SHISAL2A: variants seen among roughly 807,000 people sequenced by gnomAD.
SHISAL2A encodes protein shisa-like-2A.
Under a neutral mutation model 11.5 loss-of-function variants are expected in SHISAL2A, and 18 were observed. The ratio of observed to expected loss-of-function variants is 1.57; its 90% confidence interval spans 1.08 to 2.33. SHISAL2A has a LOEUF of 2.33. Ranked by LOEUF, SHISAL2A falls within the 30% of genes most tolerant of loss-of-function variation. The pLI, the probability that SHISAL2A is intolerant of heterozygous loss-of-function variation, is 0.00. For missense variants in SHISAL2A, 261 were observed against 250.9 expected (o/e 1.04, Z -0.27); for synonymous variants, 94 against 99.6 (o/e 0.94, Z 0.34).
At chr1:52,665,513 T>C (rs1022660122) in intron 4 of SHISAL2A, among the ~76,000 whole-genome samples, 1 of 152,152 alleles carries the variant, frequency 6.6e-6, no homozygotes, top group Admixed American at 6.5e-5. Context: ...CATGAGCTCA[T>C]CACCCTTCCT....
At chr1:52,660,562 C>A (rs1004897795), downstream of SHISAL2A, among the ~76,000 whole-genome samples, 1 of 152,160 alleles carries the variant, frequency 6.6e-6, no homozygotes, top group African/African-American at 2.4e-5. Flanking sequence ...ATTGCTTTCC[C>A]GGTTATGTTC....
intron 2 of SHISAL2A, among the ~76,000 whole-genome samples, chr1:52,651,251 T>C (rs998345188): frequency 2.6e-5 from 4 of 152,198 alleles, no homozygotes; most frequent in Non-Finnish European, 4.4e-5. Flanking sequence ...TTTTTTGTTT[T>C]TTTTGAGACG....
rs182932286 is a variant in SHISAL2A, at chr1:52,643,717, G to C, written c.322+715G>C. On this transcript the variant is annotated intron_variant, in intron 2 of 2. Transcript: ENST00000517870. ...AAAATACAAAAATTAGCCAGGCATGGTGGCAGGCGCCTATAATCCCAGCTA... is the reference window on the plus strand; with the variant it reads ...AAAATACAAAAATTAGCCAGGCATGCTGGCAGGCGCCTATAATCCCAGCTA... 2.2e-3 allele frequency among the ~76,000 whole-genome samples: 335 copies of C among 152,276 alleles called. 1 individual carries two copies. Among genetic ancestry groups the C allele is most frequent in the African/African-American group, 6.4e-3 (265 of 41,552 alleles).
intron 4 of SHISAL2A, among the ~76,000 whole-genome samples, chr1:52,665,328 G>T (rs1328592025): frequency 6.6e-6 from 1 of 152,162 alleles, no homozygotes; most frequent in Non-Finnish European, 1.5e-5. Context: ...AGAATCCTGT[G>T]AATCTGACAT....
downstream of SHISAL2A, among the ~76,000 whole-genome samples, chr1:52,660,186 A>G (rs189604336): frequency 6.3e-4 from 96 of 152,302 alleles, no homozygotes; most frequent in African/African-American, 2.3e-3. Context: ...TCCGAGCCAG[A>G]GAGATGTGGG....
At chr1:52,643,100 G>T in intron 2 of SHISAL2A, 98 bp downstream of exon 2, 1 of 1,251,434 alleles carries the variant, frequency 8.0e-7, no homozygotes, top group Non-Finnish European at 1.1e-6. Context: ...TTTGCCTCAT[G>T]ACTATTCCTG....
At chr1:52,641,791 A>T (rs553519940) in intron 1 of SHISAL2A, among the ~76,000 whole-genome samples, 23 of 150,746 alleles carry the variant, frequency 1.5e-4, no homozygotes, top group Admixed American at 1.1e-3. Flanking sequence ...TCTTTTTTTT[A>T]AAAAAAGAGG....
chr1:52,638,463 G>C (rs910226277), intron 1 of SHISAL2A, among the ~76,000 whole-genome samples: 1 of 152,134 alleles, frequency 6.6e-6, no homozygotes, highest in East Asian at 1.9e-4. Context: ...CATACTCAAT[G>C]TAAAAAATGT....
chr1:52,643,223 C>T (rs1393647294), intron 2 of SHISAL2A, among the ~76,000 whole-genome samples: 1 of 152,152 alleles, frequency 6.6e-6, no homozygotes, highest in Non-Finnish European at 1.5e-5. Context: ...AGACAACACT[C>T]CATTTGTCAC....
chr1:52,666,320 C>T (rs1350076189), intron 4 of SHISAL2A, among the ~76,000 whole-genome samples: 2 of 152,022 alleles, frequency 1.3e-5, no homozygotes, highest in Non-Finnish European at 2.9e-5. Flanking sequence ...GGCGTGGTGG[C>T]AGGCGCCTGT....
chr1:52,641,158 A>G (rs943937443), intron 1 of SHISAL2A, among the ~76,000 whole-genome samples: 1 of 152,160 alleles, frequency 6.6e-6, no homozygotes, highest in Non-Finnish European at 1.5e-5. Context: ...ATCCTTTGTA[A>G]TATCCTTCCT....
At chr1:52,653,666 A>G (rs188760267) in intron 2 of SHISAL2A, among the ~76,000 whole-genome samples, 16 of 152,298 alleles carry the variant, frequency 1.1e-4, no homozygotes, top group Non-Finnish European at 1.8e-4. Flanking sequence ...AAGGAAATCA[A>G]AGAAGACCTA....
At chr1:52,660,088 C>A (rs946078253), downstream of SHISAL2A, among the ~76,000 whole-genome samples, 1 of 152,160 alleles carries the variant, frequency 6.6e-6, no homozygotes, top group Non-Finnish European at 1.5e-5. Context: ...GCATTTCTAA[C>A]AAATTCCAGG....
chr1:52,655,575 A>G (rs953733252), intron 2 of SHISAL2A, among the ~76,000 whole-genome samples: 3 of 151,336 alleles, frequency 2.0e-5, no homozygotes, highest in South Asian at 2.1e-4. Flanking sequence ...GTAGTGCGCC[A>G]TGTTCAAGCC....
Position 52,633,787 on chromosome 1 carries a change from TCCTTACC to T in SHISAL2A, c.182+113_182+119del. 2 of 819,588 alleles carry T rather than the reference TCCTTACC, an allele frequency of 2.4e-6. No homozygotes were observed. The highest frequency in any genetic ancestry group is 3.2e-5 in the South Asian group (2 of 63,094). The allele number at this position is 819,588 out of a possible 1,614,324, so 50.8% of individuals were successfully genotyped here. On this transcript the variant is annotated intron_variant, in intron 1 of 2. Coordinates refer to ENST00000517870, the MANE Select transcript of SHISAL2A (RefSeq NM_001042693.3). This position sits in a 1 kb window ranked among gnomAD's most constrained non-coding sequence, Gnocchi z 6.4. ...CCTGAACATCAGCAGCAAGCTCTAG[TCCTTACC>T]GTCCTCATGCCCACAGCATCAACCA...
intron 2 of SHISAL2A, among the ~76,000 whole-genome samples, chr1:52,648,083 T>A (rs1691543578): frequency 1.4e-5 from 2 of 140,476 alleles, no homozygotes; most frequent in Admixed American, 7.4e-5. Flanking sequence ...ATCATATAAT[T>A]ATATATTAAC....
chr1:52,639,643 C>T (rs1485741700), intron 1 of SHISAL2A, among the ~76,000 whole-genome samples: 2 of 151,990 alleles, frequency 1.3e-5, no homozygotes, highest in Non-Finnish European at 2.9e-5. Context: ...GTCCCAGCTA[C>T]TCGGGAGGCT....
intron 2 of SHISAL2A, among the ~76,000 whole-genome samples, chr1:52,644,772 C>G (rs1458499954): frequency 1.3e-5 from 2 of 151,846 alleles, no homozygotes; most frequent in South Asian, 2.1e-4. Flanking sequence ...AATCCCAGCA[C>G]TTTGGGAGGC....
intron 2 of SHISAL2A, among the ~76,000 whole-genome samples, chr1:52,652,901 G>A (rs768638306): frequency 4.5e-5 from 6 of 134,352 alleles, no homozygotes; most frequent in African/African-American, 1.7e-4. Context: ...TGGAGGGAGA[G>A]CTTGAAGTGA....
Sources: gnomAD v4.1 joint callset for allele counts (sites outside exome capture counted in the v4.1 genomes callset) on GRCh38, gnomAD v4.1.1 for gene constraint, Gnocchi (gnomAD v3.1) non-coding constraint, MANE v1.5 for transcripts, NCBI Gene and HGNC (gene_info 2026-07-23, HGNC 2026-07-21) for gene names.